Variants in DAPK1 observed in about 807,000 individuals in gnomAD.
DAPK1 encodes death-associated protein kinase 1.
A neutral mutation model predicts 144.9 loss-of-function variants in DAPK1; 56 were observed. The ratio of observed to expected loss-of-function variants is 0.39; its 90% CI spans 0.31 to 0.48. The LOEUF (loss-of-function observed/expected upper bound fraction) is 0.48. DAPK1 is among the 20% of genes least tolerant of loss of function. The pLI is 0.95. For synonymous variants in DAPK1, 690 were observed against 749.0 expected, an observed-to-expected ratio of 0.92 and a Z score of 1.29; for missense variants, 1,454 against 1,875.4, an observed-to-expected ratio of 0.78 and a Z score of 4.15.
chr9:87,611,628 T>C (rs974601387), intron 3 of DAPK1, among the ~76,000 whole-genome samples: 1 of 152,206 alleles, frequency 6.6e-6, no homozygotes, highest in East Asian at 1.9e-4. Context: ...TCAGCTATTT[T>C]TTATTTTTTG....
intron 17 of DAPK1, among the ~76,000 whole-genome samples, chr9:87,653,408 A>G (rs1000436784): frequency 2.0e-5 from 3 of 152,252 alleles, no homozygotes; most frequent in African/African-American, 4.8e-5. Context: ...TGCATTTTAC[A>G]TGTGACTTTT....
rs17480343 is a variant in DAPK1, at chr9:87,604,510, G to A, written c.63-444G>A. On this transcript the variant is annotated intron_variant, in intron 2 of 25. Coordinates refer to ENST00000408954, the MANE Select transcript of DAPK1 (RefSeq NM_004938.4). ...TGTGTATTTAAATTGGTTAATATTG[G>A]TGCTAGAAATATGTTGTTGAAGGCA... Among the ~76,000 whole-genome samples, 1,522 of 152,234 alleles carry A rather than the reference G, an allele frequency of 1.0e-2. 21 individuals are homozygous for A. The highest frequency in any genetic ancestry group is 0.043 in the South Asian group (206 of 4,804).
Position 87,499,086 on chromosome 9 carries a change from G to C in DAPK1, c.9G>C (p.Val3=). 6.2e-7 allele frequency: 1 copy of C among 1,614,122 alleles called. No homozygotes were observed. The highest frequency in any genetic ancestry group is 8.5e-7 in the Non-Finnish European group (1 of 1,180,004). The stretch of plus-strand genomic sequence containing the variant: ...AGGCGTGACAGTTTATCATGACCGT[G>C]TTCAGGCAGGAAAACGTGGATGATT... MT[V]FRQENVDDYY... Residue 3 remains valine (V), a synonymous_variant, in exon 2 of 26, where the codon GTG becomes GTC. Coordinates refer to ENST00000408954, the MANE Select transcript of DAPK1 (RefSeq NM_004938.4).
intron 3 of DAPK1, among the ~76,000 whole-genome samples, chr9:87,623,718 C>T (rs1193302609): frequency 1.3e-5 from 2 of 151,976 alleles, no homozygotes; most frequent in African/African-American, 2.4e-5. Context: ...GGGATTGTGC[C>T]GGGGATCGAG....
chr9:87,660,095 C>G (rs61553717), intron 18 of DAPK1, among the ~76,000 whole-genome samples: 2 of 152,144 alleles, frequency 1.3e-5, no homozygotes, highest in African/African-American at 2.4e-5. Flanking sequence ...GACAGAGTCC[C>G]GGGAGGATCT....
chr9:87,526,984 G>T (rs916298583), intron 2 of DAPK1, among the ~76,000 whole-genome samples: 1 of 152,342 alleles, frequency 6.6e-6, no homozygotes, highest in Admixed American at 6.5e-5. Context: ...AGCAGTGGGG[G>T]CCAAGAAGGA....
chr9:87,617,641 A>C (rs1473107564), intron 3 of DAPK1, among the ~76,000 whole-genome samples: 1 of 152,110 alleles, frequency 6.6e-6, no homozygotes, highest in Non-Finnish European at 1.5e-5. Context: ...AAAGTGTATT[A>C]ATTTGTATGC....
chr9:87,510,449 C>T (rs1824792572), intron 2 of DAPK1, among the ~76,000 whole-genome samples: 1 of 152,206 alleles, frequency 6.6e-6, no homozygotes, highest in Non-Finnish European at 1.5e-5. Context: ...ATGGCCCAGC[C>T]GGTTTCTCCT....
At chr9:87,549,291 T>G (rs1826384145) in intron 2 of DAPK1, among the ~76,000 whole-genome samples, 1 of 152,206 alleles carries the variant, frequency 6.6e-6, no homozygotes, top group Non-Finnish European at 1.5e-5. Context: ...TATGGCTGCA[T>G]AGTATTCCAT....
At chr9:87,506,852 G>A (rs1824619948) in intron 2 of DAPK1, 1 of 152,186 alleles carries the variant, frequency 6.6e-6, no homozygotes, top group South Asian at 2.1e-4. Flanking sequence ...GAAAAAAGAA[G>A]TTGACACTCC....
intron 2 of DAPK1, among the ~76,000 whole-genome samples, chr9:87,557,188 C>G (rs1296156487): frequency 3.3e-5 from 5 of 152,166 alleles, no homozygotes; most frequent in African/African-American, 9.7e-5. Context: ...GGGCTCAGAA[C>G]CTTTGTTCAA....
chr9:87,605,294 T>C (rs765895881), intron 3 of DAPK1, 119 bp downstream of exon 3: 1 of 801,132 alleles, frequency 1.2e-6, no homozygotes, highest in Non-Finnish European at 2.0e-6. Flanking sequence ...GGTTCTGCTG[T>C]ATGAGGTGTG....
intron 21 of DAPK1, among the ~76,000 whole-genome samples, chr9:87,693,085 G>T (rs3128489): frequency 0.72 from 107,756 of 149,100 alleles, 39,174 homozygotes; most frequent in East Asian, 0.98. Context: ...TGTTTGGAGA[G>T]CTCTACAGCT....
intron 2 of DAPK1, among the ~76,000 whole-genome samples, chr9:87,508,447 A>G (rs1429232949): frequency 3.3e-5 from 5 of 150,280 alleles, no homozygotes; most frequent in African/African-American, 1.2e-4. Context: ...GGTTCACGCC[A>G]TTCTCCTGCC....
intron 2 of DAPK1, among the ~76,000 whole-genome samples, chr9:87,521,618 AAAG>A (rs1825301180): frequency 6.6e-6 from 1 of 152,248 alleles, no homozygotes; most frequent in African/African-American, 2.4e-5. Context: ...ACTGTGGTAC[AAAG>A]AAGAGGAGAA....
chr9:87,701,432 A>G (rs1456610445), intron 24 of DAPK1, among the ~76,000 whole-genome samples: 3 of 152,250 alleles, frequency 2.0e-5, no homozygotes, highest in African/African-American at 7.2e-5. Flanking sequence ...AAGAAAATAT[A>G]CCTGTTTGAA....
At chr9:87,672,432 T>A (rs1265987794) in intron 19 of DAPK1, among the ~76,000 whole-genome samples, 1 of 152,208 alleles carries the variant, frequency 6.6e-6, no homozygotes, top group African/African-American at 2.4e-5. Context: ...TTTTAATCAA[T>A]GGGCTCGGGG....
intron 2 of DAPK1, among the ~76,000 whole-genome samples, chr9:87,511,724 T>C (rs934614948): frequency 1.5e-5 from 2 of 136,532 alleles, no homozygotes; most frequent in African/African-American, 5.4e-5. Flanking sequence ...TGTTTTTTTT[T>C]CTCCCAGATG....
chr9:87,631,667 A>T (rs957513197), intron 3 of DAPK1, among the ~76,000 whole-genome samples: 2 of 152,196 alleles, frequency 1.3e-5, no homozygotes, highest in African/African-American at 4.8e-5. Context: ...TAGAATTTGG[A>T]ACAAAGAGAA....
Sources: gnomAD v4.1 joint callset for allele counts (sites outside exome capture counted in the v4.1 genomes callset) on GRCh38, gnomAD v4.1.1 for gene constraint, MANE v1.5 for transcripts, NCBI Gene and HGNC (gene_info 2026-07-23, HGNC 2026-07-21) for gene names.